The following DPYSL2 variants were observed in gnomAD, a reference collection of about 807,000 sequenced individuals.
DPYSL2 encodes dihydropyrimidinase like 2.
A neutral mutation model predicts 69.9 loss-of-function variants in DPYSL2; 13 were observed. That is an observed-to-expected ratio of 0.19 (90% CI 0.12 to 0.30). The LOEUF is 0.30. DPYSL2 is among the 10% of genes least tolerant of loss of function. The pLI is 1.00. For missense variants in DPYSL2, 587 were observed against 918.9 expected (o/e 0.64, Z 4.67); for synonymous variants, 326 against 359.1 (o/e 0.91, Z 1.04).
chr8:26,515,774 TAAGTC>T (rs1808276958), intron 1 of DPYSL2, among the ~76,000 whole-genome samples: 1 of 152,338 alleles, frequency 6.6e-6, no homozygotes, highest in East Asian at 1.9e-4. Flanking sequence ...GTAAAAATAA[TAAGTC>T]AATCAATGAA....
At chr8:26,530,164 G>GA (rs1043437332) in intron 1 of DPYSL2, among the ~76,000 whole-genome samples, 54 of 107,528 alleles carry the variant, frequency 5.0e-4, no homozygotes, top group Admixed American at 3.3e-3. Context: ...TAACTGAAAA[G>GA]AAAAAAAAAC....
chr8:26,579,164 C>T (rs1801427859), intron 1 of DPYSL2, among the ~76,000 whole-genome samples: 1 of 152,242 alleles, frequency 6.6e-6, no homozygotes. Flanking sequence ...ATGGCCCGGC[C>T]CCGGCCAGAC....
chr8:26,549,562 A>C (rs1318385341), intron 1 of DPYSL2, among the ~76,000 whole-genome samples: 2 of 152,194 alleles, frequency 1.3e-5, no homozygotes, highest in Non-Finnish European at 2.9e-5. Context: ...CAGGTACAGG[A>C]AGCTCAGAGA....
At position 26,586,877 on chromosome 8, in the gene DPYSL2, A is replaced by C. The variant is rs778091222; in HGVS notation, c.628+2894A>C. 2.6e-5 allele frequency among the ~76,000 whole-genome samples: 4 copies of C among 152,240 alleles called. No individual in the cohort carries two copies. Among genetic ancestry groups the C allele is most frequent in the Non-Finnish European group, 4.4e-5 (3 of 68,046 alleles). On this transcript the variant is annotated intron_variant, in intron 3 of 13. Transcript: ENST00000521913. This position sits in a 1 kb window ranked among gnomAD's most constrained non-coding sequence, Gnocchi z 4.7. ...TATAGAGTGGGGCATCCAATGAGCG[A>C]ACCTCAAGGAATAAAAGTCATCAGA...
Position 26,514,508 on chromosome 8 carries a change from G to C in DPYSL2, c.183G>C (p.Ser61=). The change falls in exon 1 of 14, where the codon TCG becomes TCC. Residue 61 remains serine, a synonymous_variant. Transcript: ENST00000521913. This position sits in a 1 kb window ranked among gnomAD's most constrained non-coding sequence, Gnocchi z 8.4. ...DFDSLSVGRG[S]GQVVAQQRDV... is the part of the protein sequence containing the mutation. ...ACTCGCTGTCGGTGGGCCGGGGCTCGGGGCAGGTGGTGGCTCAGCAGCGGG... is the reference window on the plus strand; with the variant it reads ...ACTCGCTGTCGGTGGGCCGGGGCTCCGGGCAGGTGGTGGCTCAGCAGCGGG... The C allele has an allele frequency of 6.5e-7, 1 of 1,529,478 alleles. No homozygotes were observed. The highest frequency in any genetic ancestry group is 8.7e-7 in the Non-Finnish European group (1 of 1,144,630). 94.7% of individuals were successfully genotyped at this position (1,529,478 alleles called of 1,614,324 possible).
chr8:26,551,875 A>G (rs1403865072), intron 1 of DPYSL2, among the ~76,000 whole-genome samples: 1 of 152,172 alleles, frequency 6.6e-6, no homozygotes, highest in Non-Finnish European at 1.5e-5. Context: ...GTGTAGTGGC[A>G]TAATCATAGC....
chr8:26,615,677 A>G (rs566432576), intron 3 of DPYSL2, among the ~76,000 whole-genome samples: 2 of 152,282 alleles, frequency 1.3e-5, no homozygotes, highest in East Asian at 3.9e-4. Context: ...GCAATTGGTC[A>G]TATTTGAACA....
rs1803346770 is a variant in DPYSL2 at position 26,654,813 on chromosome 8, T to A, written c.1943-802T>A. 6.6e-6 allele frequency among the ~76,000 whole-genome samples: 1 copy of A among 152,190 alleles called. No homozygotes were observed. The highest frequency in any genetic ancestry group is 2.1e-4 in the South Asian group (1 of 4,830). On this transcript the variant is annotated intron_variant, in intron 13 of 13. Transcript: ENST00000521913. The surrounding 1 kb of genome is among the most constrained non-coding windows in gnomAD (Gnocchi z 5.0). ...GTCTGATTCTTTGGTTACCTTAGGC[T>A]CATCTCCTTTTTAAAAAGTTTATTT...
Position 26,653,615 on chromosome 8 carries a change from A to G in DPYSL2, c.1942+218A>G, listed in dbSNP as rs571717247. The stretch of plus-strand genomic sequence containing the variant: ...GCTCTGTTACCCAGACTGGAGTGCA[A>G]TGGCACGACCTTGGCTCACTGCAAC... On this transcript the variant is annotated intron_variant, in intron 13 of 13. Coordinates refer to ENST00000521913, the MANE Select transcript of DPYSL2 (RefSeq NM_001197293.3). This position sits in a 1 kb window ranked among gnomAD's most constrained non-coding sequence, Gnocchi z 5.7. Among the ~76,000 whole-genome samples, 255 of 152,150 alleles carry G rather than the reference A, an allele frequency of 1.7e-3. 3 individuals are homozygous for G. The highest frequency in any genetic ancestry group is 4.1e-3 in the African/African-American group (169 of 41,492).
chr8:26,559,145 G>T (rs1014797221), intron 1 of DPYSL2, among the ~76,000 whole-genome samples: 18 of 152,074 alleles, frequency 1.2e-4, no homozygotes, highest in African/African-American at 4.3e-4. Context: ...GTTTCACCGT[G>T]TTGCCCAGGC....
intron 3 of DPYSL2, among the ~76,000 whole-genome samples, chr8:26,594,325 T>G (rs530598106): frequency 2.6e-5 from 4 of 152,122 alleles, no homozygotes; most frequent in Non-Finnish European, 5.9e-5. Context: ...GTATCCATCT[T>G]TATCTTTTTA....
chr8:26,577,210 C>CT (rs1284110731), intron 1 of DPYSL2: 1 of 429,848 alleles, frequency 2.3e-6, no homozygotes, highest in Admixed American at 2.5e-5. Flanking sequence ...TCTCTGCAGC[C>CT]TCCCCCCGGC....
chr8:26,524,133 AC>A, intron 1 of DPYSL2, among the ~76,000 whole-genome samples: 1 of 152,214 alleles, frequency 6.6e-6, no homozygotes. Flanking sequence ...GACATTCCCA[AC>A]AACAGTTCCC....
intron 1 of DPYSL2, among the ~76,000 whole-genome samples, chr8:26,520,913 G>T (rs1187186353): frequency 5.3e-5 from 8 of 151,880 alleles, no homozygotes; most frequent in Non-Finnish European, 8.8e-5. Flanking sequence ...AGGTCTCTGG[G>T]GTCTCTTTTA....
At position 26,631,633 on chromosome 8, in the gene DPYSL2, A is replaced by G. The variant is rs114573340; in HGVS notation, c.1006-3147A>G. On this transcript the variant is annotated intron_variant, in intron 7 of 13. Transcript: ENST00000521913. ...ACTTCAGAATCCCCAGCAACTGATTATGGAGTCTCCTTGAGGGCTGGCAGA... is the reference window on the plus strand; with the variant it reads ...ACTTCAGAATCCCCAGCAACTGATTGTGGAGTCTCCTTGAGGGCTGGCAGA... 4.9e-3 allele frequency among the ~76,000 whole-genome samples: 752 copies of G among 152,338 alleles called. 4 individuals carry two copies. Among genetic ancestry groups the G allele is most frequent in the African/African-American group, 0.017 (706 of 41,580 alleles).
intron 1 of DPYSL2, among the ~76,000 whole-genome samples, chr8:26,542,405 A>T (rs1383357525): frequency 6.6e-6 from 1 of 152,078 alleles, no homozygotes; most frequent in Non-Finnish European, 1.5e-5. Context: ...CCAGGTTTTT[A>T]AAAATTCCCA....
rs1237198166 is a variant in DPYSL2, at chr8:26,565,834, C to A, written c.355-16135C>A. 6.6e-6 allele frequency among the ~76,000 whole-genome samples: 1 copy of A among 152,190 alleles called. No individual in the cohort carries two copies. The highest frequency in any genetic ancestry group is 2.4e-5 in the African/African-American group (1 of 41,442). On this transcript the variant is annotated intron_variant, in intron 1 of 13. Transcript: ENST00000521913. The surrounding 1 kb of genome is among the most constrained non-coding windows in gnomAD (Gnocchi z 4.1). ...GCTGGTGGTTCTAACATCTTCAACA[C>A]ACAGCTCCCAAGGTTGTCTGGGCAA...
intron 3 of DPYSL2, among the ~76,000 whole-genome samples, chr8:26,595,376 G>T (rs1469406258): frequency 6.6e-6 from 1 of 151,858 alleles, no homozygotes; most frequent in East Asian, 1.9e-4. Context: ...AACACATCTG[G>T]CCCTGCAGAT....
chr8:26,535,770 G>A (rs181369138), intron 1 of DPYSL2, among the ~76,000 whole-genome samples: 16 of 152,162 alleles, frequency 1.1e-4, no homozygotes, highest in Admixed American at 9.8e-4. Context: ...AACGTGCCAG[G>A]ACATAGTGCA....
Sources: gnomAD v4.1 joint callset for allele counts (sites outside exome capture counted in the v4.1 genomes callset) on GRCh38, gnomAD v4.1.1 for gene constraint, Gnocchi (gnomAD v3.1) non-coding constraint, MANE v1.5 for transcripts, NCBI Gene and HGNC (gene_info 2026-07-23, HGNC 2026-07-21) for gene names.